TECRL: variants seen among roughly 807,000 people sequenced by gnomAD.
TECRL encodes trans-2,3-enoyl-CoA reductase like, also known as trans-2,3-enoyl-CoA reductase-like.
Under a neutral mutation model 52.8 loss-of-function variants are expected in TECRL, and 63 were observed. That is an observed-to-expected ratio of 1.19 (90% confidence interval 0.97 to 1.47). The LOEUF (loss-of-function observed/expected upper bound fraction) is 1.47. Among genes scored for constraint, TECRL ranks in the 40% most tolerant of loss-of-function variants. The probability of loss-of-function intolerance (pLI) is 0.00; values close to 1 mark genes in which losing one functional copy is unlikely to be tolerated. For synonymous variants in TECRL, 164 were observed against 141.9 expected, an observed-to-expected ratio of 1.16 and a Z score of -1.10; for missense variants, 482 against 429.6, an observed-to-expected ratio of 1.12 and a Z score of -1.08.
rs188980535 is a variant in TECRL, at chr4:64,283,152, T to C, written c.833-1593A>G. Among the ~76,000 whole-genome samples the C allele has an allele frequency of 3.5e-4, 54 of 152,180 alleles. 1 individual carries two copies. The East Asian group carries it at 0.01, about 28-fold the overall frequency. ...ACTCAATTCAGAAGAACATGGATTG[T>C]TCATCCCAGTTTTAGAATGTCCCAT... On this transcript the variant is annotated intron_variant, in intron 9 of 11. Transcript: ENST00000381210.
chr4:64,299,839 TTCA>T, intron 8 of TECRL, 132 bp downstream of exon 8: 3 of 333,576 alleles, frequency 9.0e-6, no homozygotes, highest in Non-Finnish European at 1.6e-5. Flanking sequence ...TATGATTTAC[TTCA>T]TTTTATATCA....
chr4:64,327,724 C>T (rs1284860147), intron 3 of TECRL, among the ~76,000 whole-genome samples: 1 of 151,816 alleles, frequency 6.6e-6, no homozygotes, highest in African/African-American at 2.4e-5. Flanking sequence ...GTAACAGTTT[C>T]GAGAGACTCA....
intron 3 of TECRL, among the ~76,000 whole-genome samples, chr4:64,328,059 A>C (rs964461634): frequency 1.3e-5 from 2 of 151,988 alleles, no homozygotes; most frequent in African/African-American, 4.8e-5. Context: ...ATAGGGTTTA[A>C]AAATCTGAGA....
At chr4:64,348,667 T>C (rs936529541) in intron 2 of TECRL, among the ~76,000 whole-genome samples, 3 of 152,208 alleles carry the variant, frequency 2.0e-5, no homozygotes, top group African/African-American at 7.2e-5. Flanking sequence ...GAGTCTGTTC[T>C]AGCATATTTC....
At chr4:64,288,561 T>G (rs985579986) in intron 9 of TECRL, among the ~76,000 whole-genome samples, 1 of 152,120 alleles carries the variant, frequency 6.6e-6, no homozygotes, top group Non-Finnish European at 1.5e-5. Context: ...AACCATTTCT[T>G]GCTCGGAATT....
intron 2 of TECRL, among the ~76,000 whole-genome samples, chr4:64,343,585 G>GAC (rs146974193): frequency 0.019 from 2,814 of 149,214 alleles, 53 homozygotes; most frequent in East Asian, 0.1. Context: ...CACACACACA[G>GAC]ACACACACAC....
chr4:64,304,819 A>T (rs1405808319), intron 7 of TECRL: 1 of 157,620 alleles, frequency 6.3e-6, no homozygotes, highest in African/African-American at 2.4e-5. Flanking sequence ...AGAATAATTA[A>T]ATGTTTATCA....
chr4:64,394,591 ATTAACAAGGTTAT>A lies in TECRL; in HGVS notation c.234+14514_234+14526del, dbSNP rs1560556000. ...GAAAATACTGTGACCCAAAGTGGAT[ATTAACAAGGTTAT>A]TTAACAAGGTCACACAGTTAAGAAG... On this transcript the variant is annotated intron_variant, in intron 1 of 11. Transcript: ENST00000381210. Among the ~76,000 whole-genome samples, 7 of 152,194 alleles carry A rather than the reference ATTAACAAGGTTAT, an allele frequency of 4.6e-5. No individual in the cohort carries two copies. The South Asian group carries it at 1.4e-3, about 31-fold the overall frequency.
At chr4:64,306,990 A>G (rs898832036) in intron 6 of TECRL, among the ~76,000 whole-genome samples, 5 of 152,124 alleles carry the variant, frequency 3.3e-5, no homozygotes, top group Non-Finnish European at 5.9e-5. Context: ...TATAGGTCCT[A>G]TGTCTGGGGG....
intron 1 of TECRL, among the ~76,000 whole-genome samples, chr4:64,405,185 C>A (rs1724623568): frequency 6.6e-6 from 1 of 152,016 alleles, no homozygotes; most frequent in African/African-American, 2.4e-5. Context: ...TCAGGAAAAG[C>A]CTCCAGGAAA....
At position 64,293,939 on chromosome 4, in the gene TECRL, T is replaced by C. The variant is rs1277513629; in HGVS notation, c.775-4172A>G. On this transcript the variant is annotated intron_variant, in intron 8 of 11. Coordinates refer to ENST00000381210, the MANE Select transcript of TECRL (RefSeq NM_001010874.5). ...CTTTTATATGCATTGATATTGTTAATATCATTATTAATTTTTGGCAGGTGC... is the reference window on the plus strand; with the variant it reads ...CTTTTATATGCATTGATATTGTTAACATCATTATTAATTTTTGGCAGGTGC... Among the ~76,000 whole-genome samples the C allele has an allele frequency of 3.3e-5, 5 of 150,478 alleles. No homozygotes were observed. In the East Asian group the frequency reaches 5.8e-4, roughly 18 times the overall value.
At chr4:64,308,661 G>T (rs1560486728) in intron 6 of TECRL, among the ~76,000 whole-genome samples, 1 of 152,096 alleles carries the variant, frequency 6.6e-6, no homozygotes, top group Non-Finnish European at 1.5e-5. Flanking sequence ...ACTGTCTAGT[G>T]GCCATGTGTC....
intron 8 of TECRL, among the ~76,000 whole-genome samples, chr4:64,296,635 C>T (rs992348470): frequency 2.0e-5 from 3 of 151,546 alleles, no homozygotes; most frequent in African/African-American, 7.3e-5. Context: ...ACTTTAATTG[C>T]TTCTGGAGAG....
chr4:64,347,842 C>G (rs975172695), intron 2 of TECRL, among the ~76,000 whole-genome samples: 1 of 152,000 alleles, frequency 6.6e-6, no homozygotes, highest in Non-Finnish European at 1.5e-5. Flanking sequence ...TCATTTACCC[C>G]ATGGCGCCTC....
At chr4:64,399,819 C>G (rs568752963) in intron 1 of TECRL, among the ~76,000 whole-genome samples, 6 of 152,212 alleles carry the variant, frequency 3.9e-5, no homozygotes, top group Non-Finnish European at 8.8e-5. Flanking sequence ...CAAGCAAAAG[C>G]CTGATGGAGG....
At chr4:64,330,288 C>T (rs1302836362) in intron 2 of TECRL, among the ~76,000 whole-genome samples, 1 of 152,018 alleles carries the variant, frequency 6.6e-6, no homozygotes, top group Non-Finnish European at 1.5e-5. Context: ...AATGTTGACT[C>T]TTGTAATTCT....
chr4:64,337,299 G>T (rs530394806), intron 2 of TECRL, among the ~76,000 whole-genome samples: 2 of 152,176 alleles, frequency 1.3e-5, no homozygotes, highest in South Asian at 4.2e-4. Flanking sequence ...AGCTATTTAT[G>T]ACAAACCCAC....
intron 2 of TECRL, among the ~76,000 whole-genome samples, chr4:64,365,151 A>G (rs1020442566): frequency 1.3e-5 from 2 of 151,922 alleles, no homozygotes; most frequent in African/African-American, 4.8e-5. Flanking sequence ...CAAAACTCAC[A>G]TGATCATCTC....
rs566125170 is a variant in TECRL, at chr4:64,374,599, C to A, written c.286+573G>T. On this transcript the variant is annotated intron_variant, in intron 2 of 11. Transcript: ENST00000381210. Reference sequence around the variant, plus strand: ...ACCACAGGCCCCGGTGTGTGATGTTCCCCTTCCTGTGTCCATGTGTTCTCA... The same window carrying A: ...ACCACAGGCCCCGGTGTGTGATGTTACCCTTCCTGTGTCCATGTGTTCTCA... 9.7e-3 allele frequency among the ~76,000 whole-genome samples: 1,454 copies of A among 150,168 alleles called. 25 individuals are homozygous for A. Among genetic ancestry groups the A allele is most frequent in the African/African-American group, 0.034 (1,385 of 40,998 alleles).
Sources: allele counts gnomAD v4.1 joint callset (sites outside exome capture counted in the v4.1 genomes callset), GRCh38; gene constraint gnomAD v4.1.1; transcripts MANE v1.5; gene names NCBI Gene and HGNC (gene_info 2026-07-23, HGNC 2026-07-21).